Variants in USP46 observed in about 807,000 individuals in gnomAD.
USP46 encodes ubiquitin specific peptidase 46.
Under a neutral mutation model 44.4 loss-of-function variants are expected in USP46, and 12 were observed. The ratio of observed to expected loss-of-function variants is 0.27; its 90% CI spans 0.17 to 0.44. The LOEUF (loss-of-function observed/expected upper bound fraction) is 0.44, where lower values mean the gene tolerates loss of function less well. Ranked by LOEUF, USP46 falls within the 20% of genes least tolerant of loss-of-function variation. The pLI, the probability that USP46 is intolerant of heterozygous loss-of-function variation, is 1.00. For missense variants in USP46, 248 were observed against 444.8 expected (o/e 0.56, Z 3.98); for synonymous variants, 155 against 161.5 (o/e 0.96, Z 0.31).
chr4:52,611,935 G>T (rs962642447), intron 4 of USP46, among the ~76,000 whole-genome samples: 1 of 152,082 alleles, frequency 6.6e-6, no homozygotes, highest in Non-Finnish European at 1.5e-5. Context: ...CACAAGAATG[G>T]TTATTGCCCA....
At chr4:52,616,045 C>T (rs565632926) in intron 4 of USP46, among the ~76,000 whole-genome samples, 11 of 152,298 alleles carry the variant, frequency 7.2e-5, no homozygotes, top group African/African-American at 2.4e-4. Flanking sequence ...ATAACTTTAT[C>T]AACCAACATA....
intron 4 of USP46, among the ~76,000 whole-genome samples, chr4:52,611,740 T>C (rs1312824609): frequency 6.6e-6 from 1 of 151,976 alleles, no homozygotes; most frequent in East Asian, 1.9e-4. Flanking sequence ...TACAAAAAAT[T>C]AGCCAGGCAT....
chr4:52,605,727 G>C (rs190248910), intron 5 of USP46, among the ~76,000 whole-genome samples: 1 of 152,180 alleles, frequency 6.6e-6, no homozygotes, highest in Non-Finnish European at 1.5e-5. Flanking sequence ...GATCAGTGCA[G>C]CTTCAACAGA....
rs1301993573 is a variant in USP46 at position 52,659,086 on chromosome 4, C to T, written c.36+29G>A. The T allele has an allele frequency of 2.6e-6, 4 of 1,549,770 alleles. No individual in the cohort carries two copies. The highest frequency in any genetic ancestry group is 1.9e-5 in the Admixed American group (1 of 51,822). On this transcript the variant is annotated intron_variant, in intron 1 of 8. Transcript: ENST00000441222. The surrounding 1 kb of genome is among the most constrained non-coding windows in gnomAD (Gnocchi z 4.2). ...TTTCTTTGCCTCGCCGCGAGTCGGG[C>T]GCGACCCCGAGGCGGCTCGGCCACT...
At chr4:52,612,627 T>C (rs1262900286) in intron 4 of USP46, among the ~76,000 whole-genome samples, 2 of 152,206 alleles carry the variant, frequency 1.3e-5, no homozygotes, top group Non-Finnish European at 1.5e-5. Context: ...GAGAGATTCA[T>C]GGAGGAAAGC....
At chr4:52,613,646 C>T (rs1717016645) in intron 4 of USP46, among the ~76,000 whole-genome samples, 1 of 150,618 alleles carries the variant, frequency 6.6e-6, no homozygotes, top group South Asian at 2.1e-4. Flanking sequence ...CACTTGAACC[C>T]AGGAGGCGGA....
rs1233346483 is a variant in USP46, at chr4:52,597,692, A to G, written c.1049T>C (p.Ile350Thr). 3.1e-6 allele frequency: 5 copies of G among 1,603,354 alleles called. No homozygotes were observed. The highest frequency in any genetic ancestry group is 2.7e-5 in the African/African-American group (2 of 74,786). Residue 350 changes from isoleucine (I) to threonine (T), a missense_variant, in exon 9 of 9, where the codon ATA (isoleucine) becomes ACA (threonine). By Grantham distance (89) the Ile-to-Thr change is moderately conservative. Transcript: ENST00000441222. ...IEEFYGLTSD[I>T]SKNSESGYIL... ...ATATCCAGATTCTGAATTTTTTGAT[A>G]TATCTGACGTCAGGCCATAGAATTC... is the stretch of plus-strand genomic sequence containing the variant.
At chr4:52,616,031 C>A (rs1177647326) in intron 4 of USP46, among the ~76,000 whole-genome samples, 1 of 152,208 alleles carries the variant, frequency 6.6e-6, no homozygotes, top group Non-Finnish European at 1.5e-5. Flanking sequence ...CATAAAGGAT[C>A]TGAATAACTT....
intron 1 of USP46, 32 bp from the exon 2 acceptor site, chr4:52,631,176 C>T: frequency 1.3e-6 from 2 of 1,517,036 alleles, no homozygotes; most frequent in Non-Finnish European, 1.8e-6. Flanking sequence ...AGTTCTGTTG[C>T]ATGTAAAATA....
At chr4:52,609,347 T>G (rs149486111) in intron 5 of USP46, among the ~76,000 whole-genome samples, 36 of 152,316 alleles carry the variant, frequency 2.4e-4, no homozygotes, top group African/African-American at 8.2e-4. Flanking sequence ...AGAAGAGATA[T>G]GCAGACATAA....
At chr4:52,619,466 G>A (rs763867259) in intron 4 of USP46, among the ~76,000 whole-genome samples, 3 of 152,204 alleles carry the variant, frequency 2.0e-5, no homozygotes, top group Non-Finnish European at 2.9e-5. Flanking sequence ...ATCCTACAGT[G>A]AGACTTCATA....
intron 1 of USP46, among the ~76,000 whole-genome samples, chr4:52,653,222 G>A (rs983719175): frequency 3.3e-5 from 5 of 152,128 alleles, no homozygotes; most frequent in Non-Finnish European, 7.4e-5. Flanking sequence ...GAATGTTTTC[G>A]TGGCAGGGCA....
rs985782656 is a variant in USP46, at chr4:52,591,939, G to T, written c.*5701C>A. On this transcript the variant is annotated 3_prime_UTR_variant, in exon 9 of 9. Coordinates refer to ENST00000441222, the MANE Select transcript of USP46 (RefSeq NM_022832.4). ...GAAGAGGCAAAACGTGAAGTTCATT[G>T]TTGCAACATAATCGATTTATACTTT... is the stretch of plus-strand genomic sequence containing the variant. 6.6e-6 allele frequency: 1 copy of T among 152,116 alleles called. No homozygotes were observed. Among genetic ancestry groups the T allele is most frequent in the Non-Finnish European group, 1.5e-5 (1 of 68,018 alleles). The allele number at this position is 152,116 out of a possible 1,614,324, so 9.4% of individuals were successfully genotyped here.
chr4:52,623,640 T>C (rs1288550151), intron 4 of USP46, among the ~76,000 whole-genome samples: 3 of 151,982 alleles, frequency 2.0e-5, no homozygotes, highest in Non-Finnish European at 4.4e-5. Flanking sequence ...AAACAAAAAG[T>C]AGGGGCCAGG....
intron 1 of USP46, among the ~76,000 whole-genome samples, chr4:52,657,040 CAAAAAA>C (rs959028429): frequency 1.7e-4 from 5 of 29,256 alleles, no homozygotes; most frequent in African/African-American, 6.3e-4. Flanking sequence ...GAGACCTTGT[CAAAAAA>C]AAAAAAAAAA....
intron 1 of USP46, among the ~76,000 whole-genome samples, chr4:52,653,296 A>G (rs868668794): frequency 1.3e-5 from 2 of 152,162 alleles, no homozygotes; most frequent in Admixed American, 6.5e-5. Flanking sequence ...ACCTGAGGTC[A>G]GGAGTTTGAG....
At chr4:52,603,894 A>T (rs1250800788) in intron 6 of USP46, among the ~76,000 whole-genome samples, 10 of 152,150 alleles carry the variant, frequency 6.6e-5, no homozygotes. Flanking sequence ...CATGTTGGCC[A>T]GGCTGGTCTC....
At chr4:52,658,772 C>T (rs28430452) in intron 1 of USP46, among the ~76,000 whole-genome samples, 5,617 of 152,246 alleles carry the variant, frequency 0.037, 277 homozygotes, top group African/African-American at 0.11. Flanking sequence ...CCACCTCCAG[C>T]TTATCCCCCA....
chr4:52,618,199 C>T (rs978523557), intron 4 of USP46, among the ~76,000 whole-genome samples: 1 of 152,028 alleles, frequency 6.6e-6, no homozygotes, highest in Non-Finnish European at 1.5e-5. Context: ...GCCTGGGCAA[C>T]ATAGTGAGGC....
Sources: gnomAD v4.1 joint callset for allele counts (sites outside exome capture counted in the v4.1 genomes callset) on GRCh38, gnomAD v4.1.1 for gene constraint, Gnocchi (gnomAD v3.1) non-coding constraint, MANE v1.5 for transcripts, NCBI Gene and HGNC (gene_info 2026-07-23, HGNC 2026-07-21) for gene names.